The following SOBP variants were observed in gnomAD, a reference collection of about 807,000 sequenced individuals.
SOBP encodes the protein sine oculis binding protein homolog.
Under a neutral mutation model 53.6 loss-of-function variants are expected in SOBP, and 4 were observed. The observed-to-expected ratio is 0.07, with a 90% CI of 0.04 to 0.17. SOBP has a LOEUF of 0.17. Among genes scored for constraint, SOBP ranks in the 10% least tolerant of loss-of-function variants. The probability of loss-of-function intolerance (pLI) is 1.00; values close to 1 mark genes in which losing one functional copy is unlikely to be tolerated. For missense variants in SOBP, 1,088 were observed against 1,204.7 expected, an observed-to-expected ratio of 0.90 and a Z score of 1.43; for synonymous variants, 584 against 522.6, an observed-to-expected ratio of 1.12 and a Z score of -1.60.
At chr6:107,539,671 C>T (rs943906744) in intron 4 of SOBP, among the ~76,000 whole-genome samples, 2 of 152,134 alleles carry the variant, frequency 1.3e-5, no homozygotes, top group Non-Finnish European at 2.9e-5. Flanking sequence ...GTTCATAGTC[C>T]GACTGTCTGT....
chr6:107,508,804 T>G (rs1015691966), intron 3 of SOBP, among the ~76,000 whole-genome samples: 4 of 152,132 alleles, frequency 2.6e-5, no homozygotes, highest in Non-Finnish European at 5.9e-5. Flanking sequence ...ATATTTTACG[T>G]AGGCCAAGTG....
intron 3 of SOBP, among the ~76,000 whole-genome samples, chr6:107,521,597 A>G (rs923811738): frequency 1.3e-5 from 2 of 152,172 alleles, no homozygotes; most frequent in Non-Finnish European, 2.9e-5. Context: ...GTGTATGTTA[A>G]TGATTGCTGG....
At chr6:107,572,567 G>A (rs953387397) in intron 4 of SOBP, among the ~76,000 whole-genome samples, 1 of 152,194 alleles carries the variant, frequency 6.6e-6, no homozygotes, top group Non-Finnish European at 1.5e-5. Flanking sequence ...GCTCCCTAAA[G>A]TGCTGGGATT....
intron 4 of SOBP, among the ~76,000 whole-genome samples, chr6:107,582,972 AT>A (rs1445300610): frequency 6.6e-6 from 1 of 152,210 alleles, no homozygotes; most frequent in Non-Finnish European, 1.5e-5. Flanking sequence ...ATTCTGAACA[AT>A]TTTAGTGTTC....
chr6:107,648,260 G>A (rs539755625), intron 6 of SOBP, among the ~76,000 whole-genome samples: 2 of 152,236 alleles, frequency 1.3e-5, no homozygotes, highest in East Asian at 3.9e-4. Flanking sequence ...TTTGTCACAG[G>A]CAGAATTTTT....
At chr6:107,493,962 A>G (rs945441121) in intron 1 of SOBP, among the ~76,000 whole-genome samples, 2 of 152,238 alleles carry the variant, frequency 1.3e-5, no homozygotes, top group African/African-American at 2.4e-5. Context: ...TTGATACAAT[A>G]TAATTTTGTG....
Position 107,634,731 on chromosome 6 carries a change from C to A in SOBP, c.1887C>A (p.Ser629Arg), listed in dbSNP as rs374596911. 5 of 1,325,614 alleles carry A rather than the reference C, an allele frequency of 3.8e-6. No homozygotes were observed. The highest frequency in any genetic ancestry group is 4.0e-5 in the Admixed American group (1 of 24,794). 82.1% of individuals were successfully genotyped at this position (1,325,614 alleles called of 1,614,324 possible). The change falls in exon 6 of 7, where the codon AGC becomes AGA. Residue 629 changes from serine (S) to arginine (R), a missense_variant. Coordinates refer to ENST00000317357, the MANE Select transcript of SOBP (RefSeq NM_018013.4). This position sits in a 1 kb window ranked among gnomAD's most constrained non-coding sequence, Gnocchi z 4.5. ...TGGACCTGACGCGGCGCGCCGGCAG[C>A]CCCCCGGGCCCCCCGGGCGCGGGCG... ...EVVDLTRRAGSPPGPPGAGGQ... is the reference protein window; with the variant it reads ...EVVDLTRRAGRPPGPPGAGGQ...
chr6:107,573,498 A>C (rs1785136630), intron 4 of SOBP, among the ~76,000 whole-genome samples: 1 of 152,190 alleles, frequency 6.6e-6, no homozygotes, highest in Non-Finnish European at 1.5e-5. Context: ...TCCTTGCAAC[A>C]AATTTCTGAA....
At chr6:107,618,199 G>A (rs1786870374) in intron 5 of SOBP, among the ~76,000 whole-genome samples, 1 of 152,176 alleles carries the variant, frequency 6.6e-6, no homozygotes, top group Non-Finnish European at 1.5e-5. Context: ...ACTGTACAGT[G>A]TGAACAGGAC....
intron 4 of SOBP, among the ~76,000 whole-genome samples, chr6:107,538,166 G>C (rs1784056971): frequency 6.6e-6 from 1 of 152,134 alleles, no homozygotes; most frequent in South Asian, 2.1e-4. Context: ...GTTATTTGGA[G>C]TTATATTTTA....
intron 4 of SOBP, among the ~76,000 whole-genome samples, chr6:107,579,588 C>T (rs546370539): frequency 1.8e-4 from 27 of 151,940 alleles, no homozygotes; most frequent in African/African-American, 5.5e-4. Flanking sequence ...ATAACTGTCA[C>T]GCAATCCATT....
intron 5 of SOBP, among the ~76,000 whole-genome samples, chr6:107,610,343 C>T (rs1185076190): frequency 6.6e-6 from 1 of 152,158 alleles, no homozygotes; most frequent in African/African-American, 2.4e-5. Context: ...GTTTCATGGC[C>T]AGAATCATTG....
intron 4 of SOBP, among the ~76,000 whole-genome samples, chr6:107,568,005 C>T (rs1490699331): frequency 6.6e-6 from 1 of 152,126 alleles, no homozygotes; most frequent in South Asian, 2.1e-4. Context: ...TTAAAAGGTA[C>T]GTTTTAAGAA....
At chr6:107,512,420 C>T (rs980541029) in intron 3 of SOBP, among the ~76,000 whole-genome samples, 1 of 152,220 alleles carries the variant, frequency 6.6e-6, no homozygotes, top group Admixed American at 6.5e-5. Context: ...TTGGCCTTCT[C>T]TGGTTTTAAT....
chr6:107,576,241 C>T (rs1188549475), intron 4 of SOBP, among the ~76,000 whole-genome samples: 1 of 152,180 alleles, frequency 6.6e-6, no homozygotes, highest in Admixed American at 6.5e-5. Flanking sequence ...TGCCTACATC[C>T]ACTGGCAGAA....
At chr6:107,579,446 A>G (rs1785335596) in intron 4 of SOBP, among the ~76,000 whole-genome samples, 1 of 152,188 alleles carries the variant, frequency 6.6e-6, no homozygotes, top group Non-Finnish European at 1.5e-5. Context: ...AAAAAGTAAA[A>G]ACAGGCATTT....
At chr6:107,625,107 G>T (rs1770398803) in intron 5 of SOBP, among the ~76,000 whole-genome samples, 2 of 152,166 alleles carry the variant, frequency 1.3e-5, no homozygotes, top group African/African-American at 4.8e-5. Flanking sequence ...GTTCAATGAG[G>T]AAATTCATGT....
chr6:107,517,167 G>A (rs1783346212), intron 3 of SOBP, among the ~76,000 whole-genome samples: 1 of 152,122 alleles, frequency 6.6e-6, no homozygotes, highest in African/African-American at 2.4e-5. Context: ...AAGGATGTAG[G>A]TATAAACAAT....
intron 6 of SOBP, among the ~76,000 whole-genome samples, chr6:107,649,250 G>A (rs902483178): frequency 1.4e-5 from 2 of 146,850 alleles, no homozygotes; most frequent in African/African-American, 5.1e-5. Flanking sequence ...TAGAGGCCAA[G>A]ACAGGAGGAT....
Sources: allele counts gnomAD v4.1 joint callset (sites outside exome capture counted in the v4.1 genomes callset), GRCh38; gene constraint gnomAD v4.1.1; non-coding constraint Gnocchi (gnomAD v3.1); transcripts MANE v1.5; gene names NCBI Gene and HGNC (gene_info 2026-07-23, HGNC 2026-07-21).